Variants in PPA2 observed in about 807,000 individuals in gnomAD.
PPA2 encodes inorganic pyrophosphatase 2.
Under a neutral mutation model 49.5 loss-of-function variants are expected in PPA2, and 48 were observed. The observed-to-expected ratio is 0.97, with a 90% CI of 0.77 to 1.23. The LOEUF (loss-of-function observed/expected upper bound fraction) is 1.23. Among genes scored for constraint, PPA2 ranks in the 50% most tolerant of loss-of-function variants. The pLI, the probability that PPA2 is intolerant of heterozygous loss-of-function variation, is 0.00. For synonymous variants in PPA2, 131 were observed against 139.9 expected, an observed-to-expected ratio of 0.94 and a Z score of 0.45; for missense variants, 429 against 410.1, an observed-to-expected ratio of 1.05 and a Z score of -0.40.
At chr4:105,435,840 A>C (rs1724030172) in intron 6 of PPA2, among the ~76,000 whole-genome samples, 4 of 152,128 alleles carry the variant, frequency 2.6e-5, no homozygotes, top group Admixed American at 2.6e-4. Flanking sequence ...ACAAACCCAT[A>C]ACCAACATCA....
chr4:105,390,854 T>G (rs992495004), intron 9 of PPA2, among the ~76,000 whole-genome samples: 1 of 152,146 alleles, frequency 6.6e-6, no homozygotes, highest in Non-Finnish European at 1.5e-5. Flanking sequence ...CAAAGAAATA[T>G]AAATCATTCT....
intron 7 of PPA2, among the ~76,000 whole-genome samples, chr4:105,421,653 CT>C: frequency 6.6e-6 from 1 of 152,164 alleles, no homozygotes; most frequent in East Asian, 1.9e-4. Context: ...TCCTCGGTCT[CT>C]GTAAAGTAAA....
intron 10 of PPA2, among the ~76,000 whole-genome samples, chr4:105,371,890 A>T (rs2110357102): frequency 6.6e-6 from 1 of 152,258 alleles, no homozygotes; most frequent in African/African-American, 2.4e-5. Context: ...GAAGGAAAAG[A>T]GGCCCTCATC....
intron 2 of PPA2, among the ~76,000 whole-genome samples, chr4:105,454,769 T>C (rs1722814713): frequency 6.6e-6 from 1 of 152,164 alleles, no homozygotes; most frequent in Non-Finnish European, 1.5e-5. Flanking sequence ...TTCACTGGCA[T>C]ATCCTGTTGT....
intron 2 of PPA2, among the ~76,000 whole-genome samples, chr4:105,455,508 G>A (rs1722841641): frequency 6.6e-6 from 1 of 152,146 alleles, no homozygotes; most frequent in African/African-American, 2.4e-5. Flanking sequence ...CGAGATTTGT[G>A]ATGATGGACA....
At chr4:105,429,530 C>T (rs549727566) in intron 6 of PPA2, among the ~76,000 whole-genome samples, 6 of 152,310 alleles carry the variant, frequency 3.9e-5, no homozygotes, top group Non-Finnish European at 8.8e-5. Flanking sequence ...AATCTCATCA[C>T]ATTATGTAAG....
chr4:105,375,426 G>A (rs1733210551), intron 10 of PPA2, among the ~76,000 whole-genome samples: 1 of 151,932 alleles, frequency 6.6e-6, no homozygotes, highest in African/African-American at 2.4e-5. Flanking sequence ...CCATAAGGAT[G>A]TTCATTCTCA....
chr4:105,377,183 T>C (rs995108589), intron 10 of PPA2, among the ~76,000 whole-genome samples: 1 of 152,048 alleles, frequency 6.6e-6, no homozygotes, highest in Non-Finnish European at 1.5e-5. Context: ...TACCCAACAA[T>C]GGAATGGGTC....
At chr4:105,396,475 G>T in intron 8 of PPA2, 141 bp from the exon 9 acceptor site, 1 of 557,356 alleles carries the variant, frequency 1.8e-6, no homozygotes. Context: ...ATAAATTCTG[G>T]CTTCCTTATT....
intron 10 of PPA2, among the ~76,000 whole-genome samples, chr4:105,375,154 A>T (rs958110395): frequency 5.9e-5 from 9 of 152,128 alleles, no homozygotes; most frequent in Admixed American, 5.9e-4. Context: ...TTTTAAGTTC[A>T]TGTAAGTTTA....
chr4:105,395,938 G>A (rs1734122553), intron 9 of PPA2, among the ~76,000 whole-genome samples: 1 of 152,074 alleles, frequency 6.6e-6, no homozygotes, highest in African/African-American at 2.4e-5. Flanking sequence ...TTATATGGTA[G>A]TTATTAGATT....
chr4:105,390,089 G>A (rs1337946830), intron 9 of PPA2, among the ~76,000 whole-genome samples: 1 of 152,022 alleles, frequency 6.6e-6, no homozygotes, highest in East Asian at 1.9e-4. Flanking sequence ...AAATGGTGCT[G>A]GGAAAACTGG....
chr4:105,462,091 G>A (rs1436233630), intron 1 of PPA2, among the ~76,000 whole-genome samples: 1 of 152,146 alleles, frequency 6.6e-6, no homozygotes, highest in Non-Finnish European at 1.5e-5. Flanking sequence ...TAAAATGAAT[G>A]AGATAATCTA....
chr4:105,428,469 G>A (rs973306914), intron 6 of PPA2, among the ~76,000 whole-genome samples: 6 of 150,856 alleles, frequency 4.0e-5, no homozygotes, highest in African/African-American at 1.2e-4. Context: ...CACGTGCAGA[G>A]ACACAGATAG....
chr4:105,445,874 T>C (rs1468423463), intron 5 of PPA2, among the ~76,000 whole-genome samples: 1 of 152,126 alleles, frequency 6.6e-6, no homozygotes, highest in African/African-American at 2.4e-5. Flanking sequence ...ATTATTTAGC[T>C]CTTGTTTTCT....
chr4:105,429,201 A>G (rs1723680704), intron 6 of PPA2, among the ~76,000 whole-genome samples: 1 of 152,250 alleles, frequency 6.6e-6, no homozygotes, highest in South Asian at 2.1e-4. Flanking sequence ...ATAAGAGAGC[A>G]TAGGCAAGTT....
intron 5 of PPA2, among the ~76,000 whole-genome samples, chr4:105,439,540 C>T (rs541965424): frequency 6.6e-6 from 1 of 151,962 alleles, no homozygotes; most frequent in Admixed American, 6.6e-5. Context: ...CTACTTTGGG[C>T]CAGTAACAGA....
At position 105,469,568 on chromosome 4, in the gene PPA2, C is replaced by T. The variant is rs943635516; in HGVS notation, c.157+4326G>A. Among the ~76,000 whole-genome samples, 8 of 152,288 alleles carry T rather than the reference C, an allele frequency of 5.3e-5. No individual in the cohort carries two copies. In the South Asian group the frequency reaches 1.7e-3, roughly 32 times the overall value. ...TTCTTACTGGAAGCTTCAGCAATGA[C>T]TAAAGCTAACTTTGTTTTATTTTCT... On this transcript the variant is annotated intron_variant, in intron 1 of 11. Transcript: ENST00000341695.
intron 9 of PPA2, among the ~76,000 whole-genome samples, chr4:105,387,353 A>C (rs950366468): frequency 4.6e-5 from 7 of 152,208 alleles, no homozygotes; most frequent in African/African-American, 1.7e-4. Context: ...GAAGGGAGTT[A>C]AAGCCAAATT....
Sources: gnomAD v4.1 joint callset for allele counts (sites outside exome capture counted in the v4.1 genomes callset) on GRCh38, gnomAD v4.1.1 for gene constraint, MANE v1.5 for transcripts, NCBI Gene and HGNC (gene_info 2026-07-23, HGNC 2026-07-21) for gene names.